Variants in DCC observed in about 807,000 individuals in gnomAD.
DCC encodes DCC netrin 1 receptor.
In DCC, 58 loss-of-function variants were observed where a neutral mutation model predicts 172.5. The observed-to-expected ratio is 0.34, with a 90% confidence interval of 0.27 to 0.42. The LOEUF (loss-of-function observed/expected upper bound fraction) is 0.42, where lower values mean the gene tolerates loss of function less well. Ranked by LOEUF, DCC falls within the 10% of genes least tolerant of loss-of-function variation. The pLI, the probability that DCC is intolerant of heterozygous loss-of-function variation, is 1.00. For synonymous variants in DCC, 709 were observed against 644.5 expected (o/e 1.10, Z -1.52); for missense variants, 1,740 against 1,791.0 (o/e 0.97, Z 0.51).
intron 1 of DCC, among the ~76,000 whole-genome samples, chr18:52,481,421 AC>A (rs2029955556): frequency 1.3e-5 from 2 of 152,164 alleles, no homozygotes; most frequent in Middle Eastern, 3.4e-3. Context: ...CTGAGATTTT[AC>A]CTGGCCAGGG....
At chr18:53,124,561 A>G (rs2043528155) in intron 7 of DCC, among the ~76,000 whole-genome samples, 1 of 152,066 alleles carries the variant, frequency 6.6e-6, no homozygotes, top group Admixed American at 6.6e-5. Context: ...TGGGTTATTT[A>G]AGATAATCAG....
At chr18:52,942,499 G>A (rs1377441066) in intron 5 of DCC, among the ~76,000 whole-genome samples, 8 of 152,048 alleles carry the variant, frequency 5.3e-5, no homozygotes, top group East Asian at 1.9e-4. Context: ...AGACATAATC[G>A]GGGCTGGAAA....
intron 9 of DCC, among the ~76,000 whole-genome samples, chr18:53,196,340 C>A (rs1300197008): frequency 6.6e-6 from 1 of 152,168 alleles, no homozygotes. Context: ...CATTACTAAG[C>A]ATTGCTTATG....
chr18:52,972,671 T>C (rs1017236207), intron 5 of DCC, among the ~76,000 whole-genome samples: 1 of 151,544 alleles, frequency 6.6e-6, no homozygotes, highest in African/African-American at 2.4e-5. Context: ...AAAGTCTGCC[T>C]TATCTACACT....
chr18:52,814,437 C>T (rs1489378147), intron 2 of DCC, among the ~76,000 whole-genome samples: 1 of 152,184 alleles, frequency 6.6e-6, no homozygotes, highest in East Asian at 1.9e-4. Flanking sequence ...AGAACTCTGA[C>T]ACCTCCTCTT....
intron 7 of DCC, among the ~76,000 whole-genome samples, chr18:53,153,031 C>T (rs1342220606): frequency 6.6e-6 from 1 of 152,138 alleles, no homozygotes; most frequent in Non-Finnish European, 1.5e-5. Context: ...GCCCCTTGCC[C>T]TCCTCTCTGG....
chr18:52,905,949 T>C, intron 2 of DCC, 95 bp from the exon 3 acceptor site: 1 of 912,506 alleles, frequency 1.1e-6, no homozygotes, highest in Admixed American at 1.9e-5. Context: ...TTGTAAAATA[T>C]AATTTTCTAC....
intron 2 of DCC, among the ~76,000 whole-genome samples, chr18:52,871,530 C>T (rs1208016522): frequency 6.6e-6 from 1 of 152,158 alleles, no homozygotes; most frequent in African/African-American, 2.4e-5. Flanking sequence ...GTGACATGAT[C>T]ATAGTTCACT....
At chr18:52,927,155 A>T (rs1484890310) in intron 5 of DCC, among the ~76,000 whole-genome samples, 1 of 50,300 alleles carries the variant, frequency 2.0e-5, no homozygotes, top group African/African-American at 5.7e-5. Context: ...ATGTGTATAT[A>T]TACGTATATA....
intron 16 of DCC, among the ~76,000 whole-genome samples, chr18:53,388,126 T>C (rs1055336101): frequency 6.6e-6 from 1 of 152,204 alleles, no homozygotes; most frequent in Non-Finnish European, 1.5e-5. Context: ...ATTGAAATAA[T>C]ACTAAAAGTT....
chr18:52,721,785 G>A (rs974120635), intron 1 of DCC, among the ~76,000 whole-genome samples: 1 of 152,184 alleles, frequency 6.6e-6, no homozygotes, highest in East Asian at 1.9e-4. Context: ...AACACTTTGG[G>A]ATGCCGAGGC....
At chr18:53,486,257 G>A (rs372550038) in intron 25 of DCC, among the ~76,000 whole-genome samples, 1 of 151,990 alleles carries the variant, frequency 6.6e-6, no homozygotes. Context: ...GCACTGATTT[G>A]GGTATTTGAA....
In DCC at chr18:53,534,222, A is replaced by G. The variant is rs1024484361; in HGVS notation, c.*3569A>G. Reference sequence around the variant, plus strand: ...ATTTTAGATAAAATTGTGTCCCAGAATTCTTATGGTTTCGGAATGTACATT... The same window carrying G: ...ATTTTAGATAAAATTGTGTCCCAGAGTTCTTATGGTTTCGGAATGTACATT... On this transcript the variant is annotated 3_prime_UTR_variant, in exon 29 of 29. Transcript: ENST00000442544. 1.3e-5 allele frequency: 2 copies of G among 152,230 alleles called. No individual in the cohort carries two copies. The highest frequency in any genetic ancestry group is 2.9e-5 in the Non-Finnish European group (2 of 68,038). The allele number at this position is 152,230 out of a possible 1,614,324, so 9.4% of individuals were successfully genotyped here.
intron 26 of DCC, among the ~76,000 whole-genome samples, chr18:53,487,931 C>T (rs544583479): frequency 6.6e-5 from 10 of 152,152 alleles, no homozygotes; most frequent in African/African-American, 2.4e-4. Context: ...TTTCAAATCC[C>T]AAGACAACTG....
intron 1 of DCC, among the ~76,000 whole-genome samples, chr18:52,681,181 T>C (rs762298236): frequency 4.6e-5 from 7 of 152,096 alleles, no homozygotes; most frequent in Non-Finnish European, 8.8e-5. Flanking sequence ...ACAAGTCAAA[T>C]GGTATTTCCT....
chr18:52,668,086 A>G (rs899176665), intron 1 of DCC, among the ~76,000 whole-genome samples: 2 of 151,922 alleles, frequency 1.3e-5, no homozygotes, highest in South Asian at 4.1e-4. Flanking sequence ...CTGTCAAAGC[A>G]GGAGGGAAGC....
In DCC at chr18:53,391,850, G is replaced by A. The variant is rs774032826; in HGVS notation, c.2651G>A (p.Arg884Gln). 3.0e-5 allele frequency: 48 copies of A among 1,612,652 alleles called. No homozygotes were observed. Among genetic ancestry groups the A allele is most frequent in the East Asian group, 8.9e-5 (4 of 44,874 alleles). ...TCTGAGGTGCGACTTTACACCGTCC[G>A]GTGGAGAACCAGCTTTTCTGCAAGT... ...KTSEVRLYTV[R>Q]WRTSFSASAK... The change falls in exon 17 of 29, where the codon CGG (arginine) becomes CAG (glutamine). Residue 884 changes from arginine (R) to glutamine (Q), a missense_variant. Transcript: ENST00000442544.
At chr18:52,377,554 A>G (rs919311260) in intron 1 of DCC, among the ~76,000 whole-genome samples, 2 of 152,148 alleles carry the variant, frequency 1.3e-5, no homozygotes, top group Admixed American at 6.6e-5. Flanking sequence ...GTCTTAAACT[A>G]TGAGAATCTG....
At chr18:53,019,512 C>G (rs1171987582) in intron 5 of DCC, among the ~76,000 whole-genome samples, 1 of 152,140 alleles carries the variant, frequency 6.6e-6, no homozygotes, top group Non-Finnish European at 1.5e-5. Context: ...TTTACATACT[C>G]TTAATAGTTC....
Sources: allele counts gnomAD v4.1 joint callset (sites outside exome capture counted in the v4.1 genomes callset), GRCh38; gene constraint gnomAD v4.1.1; transcripts MANE v1.5; gene names NCBI Gene and HGNC (gene_info 2026-07-23, HGNC 2026-07-21).